The following RSPH10B variants were observed in gnomAD, a reference collection of about 807,000 sequenced individuals.
RSPH10B encodes radial spoke head 10 homolog B.
RSPH10B carries 7 observed loss-of-function variants against 52.5 expected under a neutral mutation model. The observed-to-expected ratio is 0.13, with a 90% CI of 0.08 to 0.25. The LOEUF (loss-of-function observed/expected upper bound fraction) is 0.25. Ranked by LOEUF, RSPH10B falls within the 10% of genes least tolerant of loss-of-function variation. The probability of loss-of-function intolerance (pLI) is 1.00; values close to 1 mark genes in which losing one functional copy is unlikely to be tolerated. For missense variants in RSPH10B, 89 were observed against 542.5 expected (o/e 0.16, Z 8.30); for synonymous variants, 28 against 193.2 (o/e 0.14, Z 7.09).
At chr7:5,942,040 C>T (rs181570520) in intron 13 of RSPH10B, among the ~76,000 whole-genome samples, 46 of 149,322 alleles carry the variant, frequency 3.1e-4, no homozygotes, top group African/African-American at 6.2e-4. Context: ...TTACAGGCTC[C>T]GGCCACCATG....
rs1381671593 is a variant in RSPH10B at position 5,945,017 on chromosome 7, C to G, written c.1529+47G>C. The G allele has an allele frequency of 5.8e-6, 3 of 516,838 alleles. No individual in the cohort carries two copies. In the African/African-American group the frequency reaches 6.4e-5, roughly 11 times the overall value. The allele number at this position is 516,838 out of a possible 1,614,324, so 32.0% of individuals were successfully genotyped here. A position where few individuals can be genotyped will look rare whatever the true frequency, so the allele number is the denominator to read the frequency against. On this transcript the variant is annotated intron_variant, in intron 11 of 18. Transcript: ENST00000337579. ...AGAGGGCATTATGACAATAATACAG[C>G]TTAGCTGTGCCCCATCCCCCAACAA...
rs1562565169 is a variant in RSPH10B, at chr7:5,940,939, A to ATT, written c.1759-2111_1759-2110insAA. On this transcript the variant is annotated intron_variant, in intron 13 of 18. Transcript: ENST00000337579. ...AGACTGTCAAAATAATAATAATAAT[A>ATT]ATAATTATTATTATTATTATTATTA... Among the ~76,000 whole-genome samples the ATT allele has an allele frequency of 9.0e-4, 45 of 49,846 alleles. 2 individuals carry two copies. Among genetic ancestry groups the ATT allele is most frequent in the Admixed American group, 1.1e-3 (4 of 3,494 alleles). 32.7% of individuals were successfully genotyped at this position (49,846 alleles called of 152,430 possible).
intron 14 of RSPH10B, among the ~76,000 whole-genome samples, 163 bp from the exon 17 acceptor site, chr7:5,938,064 CACACGCACAG>C (rs1298053549): frequency 2.3e-5 from 3 of 129,658 alleles, no homozygotes; most frequent in African/African-American, 8.2e-5. Flanking sequence ...CACATGCACA[CACACGCACAG>C]ACACGCACAC....
chr7:5,927,054 G>GTGTGTATATT (rs1562553122), intron 18 of RSPH10B, among the ~76,000 whole-genome samples: 11 of 77,166 alleles, frequency 1.4e-4, no homozygotes, highest in East Asian at 8.6e-4. Context: ...TGTATTATGT[G>GTGTGTATATT]TGTGTGTGTG....
chr7:5,943,630 G>C (rs1408242077), intron 12 of RSPH10B, among the ~76,000 whole-genome samples, 158 bp from the exon 15 acceptor site: 1 of 146,948 alleles, frequency 6.8e-6, no homozygotes, highest in Non-Finnish European at 1.5e-5. Context: ...TGCAACCTCC[G>C]CCCCCCAGGC....
chr7:5,965,820 A>AT (rs1247039075), intron 1 of RSPH10B, 108 bp from the exon 4 acceptor site: 2 of 274,780 alleles, frequency 7.3e-6, no homozygotes, highest in Admixed American at 6.3e-5. Flanking sequence ...GTCAGAAAAA[A>AT]AAAAATATAT....
intron 10 of RSPH10B, among the ~76,000 whole-genome samples, chr7:5,947,891 T>TGTGTGA (rs1216412138): frequency 1.1e-4 from 10 of 92,806 alleles, no homozygotes; most frequent in Admixed American, 4.4e-4. Context: ...TGTGTGTGTG[T>TGTGTGA]GATGGAGTCT....
intron 4 of RSPH10B, among the ~76,000 whole-genome samples, chr7:5,960,396 G>A (rs1284852535): frequency 1.6e-5 from 1 of 61,814 alleles, no homozygotes; most frequent in South Asian, 4.4e-4. Context: ...CTGGGCGACA[G>A]AGCAAGACTC....
chr7:5,927,795 G>T (rs1265946222), intron 18 of RSPH10B, among the ~76,000 whole-genome samples: 1 of 146,122 alleles, frequency 6.8e-6, no homozygotes, highest in Non-Finnish European at 1.5e-5. Flanking sequence ...AATTAGCCAG[G>T]CGTGGTGGTG....
At chr7:5,941,715 C>G (rs868294710) in intron 13 of RSPH10B, among the ~76,000 whole-genome samples, 5 of 136,700 alleles carry the variant, frequency 3.7e-5, no homozygotes, top group African/African-American at 1.3e-4. Flanking sequence ...CTGCACTCCA[C>G]CCTGGCAAAA....
chr7:5,927,666 T>C lies in RSPH10B; in HGVS notation c.2432+530A>G, dbSNP rs376551595. ...AGAAATAGAAAATAGCTGCATGCAG[T>C]GACTCACCCCTGTGACCCCAGCACT... On this transcript the variant is annotated intron_variant, in intron 18 of 18. Transcript: ENST00000337579. 4.7e-3 allele frequency among the ~76,000 whole-genome samples: 672 copies of C among 143,136 alleles called. 7 individuals carry two copies. Among genetic ancestry groups the C allele is most frequent in the African/African-American group, 0.018 (623 of 35,538 alleles). The allele number at this position is 143,136 out of a possible 152,430, so 93.9% of individuals were successfully genotyped here.
intron 14 of RSPH10B, among the ~76,000 whole-genome samples, chr7:5,938,335 A>G (rs553742805): frequency 0.013 from 1,466 of 115,426 alleles, 48 homozygotes; most frequent in African/African-American, 0.043. Context: ...TGGGAGGCCG[A>G]GGCAGGTGGA....
chr7:5,942,110 G>A (rs1275459535), intron 13 of RSPH10B, among the ~76,000 whole-genome samples: 2 of 148,046 alleles, frequency 1.4e-5, no homozygotes, highest in African/African-American at 5.0e-5. Flanking sequence ...GGCCAGGCTG[G>A]TCTCAAACTC....
At chr7:5,956,784 G>T (rs916609158) in intron 6 of RSPH10B, among the ~76,000 whole-genome samples, 2 of 117,420 alleles carry the variant, frequency 1.7e-5, no homozygotes, top group African/African-American at 5.8e-5. Flanking sequence ...ACCCAGGCTG[G>T]TCTCAAACTC....
chr7:5,942,645 T>G (rs1334918309), intron 13 of RSPH10B, among the ~76,000 whole-genome samples: 10 of 147,498 alleles, frequency 6.8e-5, no homozygotes, highest in Non-Finnish European at 1.3e-4. Context: ...GTGGATCACC[T>G]GGGGTTGGGA....
At chr7:5,927,045 G>GTGTGTGTGTGTGTA (rs71762251) in intron 18 of RSPH10B, among the ~76,000 whole-genome samples, 2,688 of 122,474 alleles carry the variant, frequency 0.022, 8 homozygotes, top group Admixed American at 0.03. Flanking sequence ...GTGTGTGTGT[G>GTGTGTGTGTGTGTA]TATTATGTGT....
chr7:5,947,837 TG>T lies in RSPH10B; in HGVS notation c.1414+382del, dbSNP rs1318779843. Among the ~76,000 whole-genome samples, 8 of 82,238 alleles carry T rather than the reference TG, an allele frequency of 9.7e-5. No individual in the cohort carries two copies. In the South Asian group the frequency reaches 2.5e-3, roughly 25 times the overall value. The allele number at this position is 82,238 out of a possible 152,430, so 54.0% of individuals were successfully genotyped here. ...CATGGACCAGTACTGCTCCCTGGCC[TG>T]GGGGTTGGGGACCCCTGCCTTTTGT... On this transcript the variant is annotated intron_variant, in intron 10 of 18. Coordinates refer to ENST00000337579, the Ensembl canonical transcript of RSPH10B.
chr7:5,928,297 A>G (rs1470461415), exon 18 of RSPH10B: 9 of 1,613,354 alleles, frequency 5.6e-6, no homozygotes, highest in Non-Finnish European at 7.6e-6. Context: ...CTTCACGTTT[A>G]TACGCATGAA....
intron 18 of RSPH10B, among the ~76,000 whole-genome samples, chr7:5,927,048 T>TATATATATGTGTGTGTGTATA (rs1347951159): frequency 7.1e-5 from 5 of 70,826 alleles, no homozygotes; most frequent in South Asian, 3.7e-4. Flanking sequence ...TGTGTGTGTA[T>TATATATATGTGTGTGTGTATA]TATGTGTGTG....
Sources: allele counts gnomAD v4.1 joint callset (sites outside exome capture counted in the v4.1 genomes callset), GRCh38; gene constraint gnomAD v4.1.1; transcripts MANE v1.5; gene names NCBI Gene and HGNC (gene_info 2026-07-23, HGNC 2026-07-21).